The following KCNH7 variants were observed in gnomAD, a reference collection of about 807,000 sequenced individuals.
The protein encoded by KCNH7 is voltage-gated inwardly rectifying potassium channel KCNH7.
KCNH7 carries 49 observed loss-of-function variants against 120.8 expected under a neutral mutation model. That is an observed-to-expected ratio of 0.41 (90% CI 0.32 to 0.51). The LOEUF (loss-of-function observed/expected upper bound fraction) is 0.51. Ranked by LOEUF, KCNH7 falls within the 20% of genes least tolerant of loss-of-function variation. KCNH7 has a pLI of 0.38. For synonymous variants in KCNH7, 547 were observed against 516.1 expected (o/e 1.06, Z -0.81); for missense variants, 1,097 against 1,446.6 (o/e 0.76, Z 3.92).
intron 6 of KCNH7, among the ~76,000 whole-genome samples, chr2:162,452,997 T>C (rs1475323293): frequency 6.6e-6 from 1 of 152,220 alleles, no homozygotes; most frequent in East Asian, 1.9e-4. Flanking sequence ...AATGTGCAGG[T>C]TTGTTACATA....
intron 9 of KCNH7, among the ~76,000 whole-genome samples, chr2:162,405,450 C>G (rs2105453814): frequency 6.6e-6 from 1 of 151,828 alleles, no homozygotes; most frequent in Non-Finnish European, 1.5e-5. Context: ...AAAGAGAGAG[C>G]AAAAATGAAA....
Position 162,681,522 on chromosome 2 carries a change from T to A in KCNH7, c.308-144442A>T, listed in dbSNP as rs1012458845. On this transcript the variant is annotated intron_variant, in intron 2 of 15. Transcript: ENST00000332142. ...ATAACTAAATCAATTTAAGAGAAAA[T>A]AGAAAAATGTACAGACTTCTCCTTC... Among the ~76,000 whole-genome samples, 6 of 151,798 alleles carry A rather than the reference T, an allele frequency of 4.0e-5. No individual in the cohort carries two copies. In the East Asian group the frequency reaches 1.2e-3, roughly 29 times the overall value.
intron 2 of KCNH7, among the ~76,000 whole-genome samples, chr2:162,711,251 T>A (rs948634843): frequency 1.3e-5 from 2 of 152,234 alleles, no homozygotes; most frequent in African/African-American, 4.8e-5. Context: ...GATGTTATCA[T>A]CCGGCCTTTG....
chr2:162,731,211 C>G (rs1687716689), intron 2 of KCNH7, among the ~76,000 whole-genome samples: 1 of 130,900 alleles, frequency 7.6e-6, no homozygotes, highest in Non-Finnish European at 1.5e-5. Context: ...TCATGTCCTG[C>G]ATACATACAT....
At chr2:162,617,495 A>C (rs1023927082) in intron 2 of KCNH7, among the ~76,000 whole-genome samples, 13 of 152,246 alleles carry the variant, frequency 8.5e-5, no homozygotes, top group East Asian at 5.8e-4. Context: ...CAAAACAAAA[A>C]AAAAATAGAA....
In KCNH7 at chr2:162,371,532, C is replaced by G. The variant is rs1685946293; in HGVS notation, c.*297G>C. ...TAGTAAAAGCAGTAAATAGGAGTCT[C>G]CATGCAAGAGAAATTGGAGTTTCCT... On this transcript the variant is annotated 3_prime_UTR_variant, in exon 16 of 16. Transcript: ENST00000332142. 2 of 1,055,242 alleles carry G rather than the reference C, an allele frequency of 1.9e-6. No individual in the cohort carries two copies. The highest frequency in any genetic ancestry group is 2.4e-6 in the Non-Finnish European group (2 of 818,612). 65.4% of individuals were successfully genotyped at this position (1,055,242 alleles called of 1,614,324 possible).
chr2:162,713,665 T>C lies in KCNH7; in HGVS notation c.307+122872A>G, dbSNP rs377298095. Among the ~76,000 whole-genome samples the C allele has an allele frequency of 8.5e-5, 13 of 152,346 alleles. No homozygotes were observed. In the East Asian group the frequency reaches 1.3e-3, roughly 16 times the overall value. On this transcript the variant is annotated intron_variant, in intron 2 of 15. Coordinates refer to ENST00000332142, the MANE Select transcript of KCNH7 (RefSeq NM_033272.4). ...AATTATTTAATTTAAAAAATAAAGA[T>C]GATTTGAAAATGTGAGCTAAACATC...
chr2:162,834,428 C>T (rs1424825163), intron 2 of KCNH7, among the ~76,000 whole-genome samples: 4 of 151,946 alleles, frequency 2.6e-5, no homozygotes, highest in Non-Finnish European at 4.4e-5. Context: ...TTATAGTTAA[C>T]GCTAAAGATA....
intron 2 of KCNH7, among the ~76,000 whole-genome samples, chr2:162,718,135 T>C (rs374601791): frequency 1.3e-5 from 2 of 152,034 alleles, no homozygotes; most frequent in East Asian, 3.9e-4. Context: ...TTTGTGATTT[T>C]AGTTGATCTC....
chr2:162,720,123 C>T (rs926207264), intron 2 of KCNH7, among the ~76,000 whole-genome samples: 3 of 151,988 alleles, frequency 2.0e-5, no homozygotes, highest in Admixed American at 6.6e-5. Flanking sequence ...ACTGGATTTG[C>T]ATCTCTACAG....
In KCNH7 at chr2:162,701,379, T is replaced by A. The variant is rs1005714944; in HGVS notation, c.307+135158A>T. On this transcript the variant is annotated intron_variant, in intron 2 of 15. Coordinates refer to ENST00000332142, the MANE Select transcript of KCNH7 (RefSeq NM_033272.4). ...ATATGTATAAATATATATAAAATCATAATCTATTTTCTATCTTAGAAGCCC... is the reference window on the plus strand; with the variant it reads ...ATATGTATAAATATATATAAAATCAAAATCTATTTTCTATCTTAGAAGCCC... Among the ~76,000 whole-genome samples the A allele has an allele frequency of 1.2e-4, 18 of 152,150 alleles. No homozygotes were observed. In the South Asian group the frequency reaches 1.2e-3, roughly 11 times the overall value.
chr2:162,733,283 G>A (rs549159973), intron 2 of KCNH7, among the ~76,000 whole-genome samples: 140 of 152,264 alleles, frequency 9.2e-4, no homozygotes, highest in African/African-American at 3.0e-3. Flanking sequence ...TTCTTTAAAC[G>A]TATTACTTTA....
intron 2 of KCNH7, among the ~76,000 whole-genome samples, chr2:162,790,053 T>A (rs1164273752): frequency 6.6e-6 from 1 of 151,736 alleles, no homozygotes; most frequent in East Asian, 1.9e-4. Context: ...AAATAGGAGT[T>A]GTTTTTTTAA....
intron 2 of KCNH7, among the ~76,000 whole-genome samples, chr2:162,585,152 T>A (rs1174607338): frequency 4.6e-5 from 7 of 152,012 alleles, no homozygotes; most frequent in Non-Finnish European, 8.8e-5. Context: ...CCTTGATGTT[T>A]CCCCTCTCAC....
At position 162,517,798 on chromosome 2, in the gene KCNH7, G is replaced by A. The variant is rs139430414; in HGVS notation, c.824C>T (p.Ser275Leu). The A allele has an allele frequency of 1.4e-5, 22 of 1,606,094 alleles. No individual in the cohort carries two copies. Among genetic ancestry groups the A allele is most frequent in the Non-Finnish European group, 1.9e-5 (22 of 1,173,792 alleles). ...ESLCSIRRAS[S>L]VHDIEGFGVH... is the part of the protein sequence containing the mutation. ...GCCGAATCCTTCTATATCATGGACC[G>A]AAGATGCTCTCCGTATACTACATAA... The change falls in exon 4 of 16, where the codon TCG becomes TTG. Residue 275 changes from serine (S) to leucine (L), a missense_variant. Ser to Leu is a moderately radical substitution (Grantham distance 145). Around this residue, in one of 8 missense-constraint regions of KCNH7, gnomAD observed 362 missense variants for 372.2 expected, o/e 0.97. Coordinates refer to ENST00000332142, the MANE Select transcript of KCNH7 (RefSeq NM_033272.4).
chr2:162,700,609 A>T (rs576285276), intron 2 of KCNH7, among the ~76,000 whole-genome samples: 1 of 152,298 alleles, frequency 6.6e-6, no homozygotes, highest in Non-Finnish European at 1.5e-5. Flanking sequence ...CTCTTCTTTT[A>T]AAAAAATCCA....
intron 3 of KCNH7, among the ~76,000 whole-genome samples, chr2:162,522,033 AAGAT>A (rs1691548099): frequency 6.6e-6 from 1 of 151,946 alleles, no homozygotes; most frequent in African/African-American, 2.4e-5. Flanking sequence ...TAATAAGACA[AAGAT>A]AAGAGTAACC....
chr2:162,627,324 G>A (rs543119122), intron 2 of KCNH7, among the ~76,000 whole-genome samples: 8 of 152,224 alleles, frequency 5.3e-5, no homozygotes, highest in Middle Eastern at 6.8e-3. Flanking sequence ...TGTGAAAATA[G>A]CATCTCTGAC....
chr2:162,679,366 T>C (rs1346782491), intron 2 of KCNH7, among the ~76,000 whole-genome samples: 2 of 151,688 alleles, frequency 1.3e-5, no homozygotes, highest in Admixed American at 6.6e-5. Flanking sequence ...TATTTAATAA[T>C]AGAGTAGAGT....
Sources: allele counts gnomAD v4.1 joint callset (sites outside exome capture counted in the v4.1 genomes callset), GRCh38; gene constraint gnomAD v4.1.1; regional missense constraint gnomAD v4.1.1; transcripts MANE v1.5; gene names NCBI Gene and HGNC (gene_info 2026-07-23, HGNC 2026-07-21).